The following TRAPPC10 variants were observed in gnomAD, a reference collection of about 807,000 sequenced individuals.
TRAPPC10 encodes the protein trafficking protein particle complex subunit 10.
A neutral mutation model predicts 125.5 loss-of-function variants in TRAPPC10; 23 were observed. That is an observed-to-expected ratio of 0.18 (90% CI 0.13 to 0.26). TRAPPC10 has a LOEUF of 0.26. Among genes scored for constraint, TRAPPC10 ranks in the 10% least tolerant of loss-of-function variants. TRAPPC10 has a pLI of 1.00. For synonymous variants in TRAPPC10, 509 were observed against 518.0 expected, an observed-to-expected ratio of 0.98 and a Z score of 0.24; for missense variants, 1,123 against 1,308.4, an observed-to-expected ratio of 0.86 and a Z score of 2.19.
intron 3 of TRAPPC10, among the ~76,000 whole-genome samples, chr21:44,043,465 G>A (rs2034560542): frequency 6.6e-6 from 1 of 152,030 alleles, no homozygotes; most frequent in Non-Finnish European, 1.5e-5. Flanking sequence ...ACCCGCCTCG[G>A]CATCCCAAAG....
intron 1 of TRAPPC10, among the ~76,000 whole-genome samples, chr21:44,024,308 C>T (rs907275449): frequency 6.6e-6 from 1 of 152,202 alleles, no homozygotes; most frequent in African/African-American, 2.4e-5. Context: ...TGTGGACACA[C>T]AGATGGCTGG....
At chr21:44,083,538 A>G (rs2037908805) in intron 14 of TRAPPC10, among the ~76,000 whole-genome samples, 1 of 152,200 alleles carries the variant, frequency 6.6e-6, no homozygotes, top group South Asian at 2.1e-4. Context: ...TTCTTAGATT[A>G]AGTTAGCTTT....
intron 1 of TRAPPC10, among the ~76,000 whole-genome samples, chr21:44,014,765 G>A (rs2031626358): frequency 6.6e-6 from 1 of 152,030 alleles, no homozygotes; most frequent in African/African-American, 2.4e-5. Context: ...TGCATGGATG[G>A]TACACTGTCC....
At chr21:44,089,981 T>G in intron 18 of TRAPPC10, 48 bp downstream of exon 18, 1 of 1,449,540 alleles carries the variant, frequency 6.9e-7, no homozygotes, top group South Asian at 1.2e-5. Context: ...CCCAGACTCT[T>G]CTAAGTGGAG....
chr21:44,042,560 C>A lies in TRAPPC10; in HGVS notation c.285+4633C>A, dbSNP rs61355354. On this transcript the variant is annotated intron_variant, in intron 3 of 22. Transcript: ENST00000291574. ...ACTGTTGTGTGACCTAATAAATGAT[C>A]AGTTTTTTTGGACATTTCATGTGTG... 5.6e-3 allele frequency among the ~76,000 whole-genome samples: 855 copies of A among 152,212 alleles called. 12 individuals carry two copies. Among genetic ancestry groups the A allele is most frequent in the African/African-American group, 0.02 (829 of 41,526 alleles).
intron 2 of TRAPPC10, among the ~76,000 whole-genome samples, chr21:44,035,144 A>G (rs1601604751): frequency 6.6e-6 from 1 of 152,170 alleles, no homozygotes; most frequent in East Asian, 1.9e-4. Context: ...TGCCCTCGTG[A>G]GTGGATTAAT....
intron 2 of TRAPPC10, among the ~76,000 whole-genome samples, chr21:44,033,997 A>G (rs2033789532): frequency 1.3e-5 from 2 of 152,262 alleles, no homozygotes; most frequent in African/African-American, 4.8e-5. Context: ...ACAAATGCTA[A>G]ACAAATCACC....
intron 2 of TRAPPC10, among the ~76,000 whole-genome samples, chr21:44,036,450 C>T (rs1250569717): frequency 1.3e-5 from 2 of 152,206 alleles, no homozygotes; most frequent in African/African-American, 4.8e-5. Context: ...CGTGTGGGGG[C>T]CAGGATGGCC....
chr21:44,017,864 T>G (rs898629568), intron 1 of TRAPPC10, among the ~76,000 whole-genome samples: 1 of 152,140 alleles, frequency 6.6e-6, no homozygotes, highest in African/African-American at 2.4e-5. Context: ...TGTGAATACC[T>G]TGTGTGGGGT....
At chr21:44,060,104 T>A (rs2035921215) in intron 6 of TRAPPC10, 1 of 152,662 alleles carries the variant, frequency 6.6e-6, no homozygotes, top group Non-Finnish European at 1.5e-5. Context: ...CTGTCCTCAC[T>A]CTGGAACTCA....
intron 20 of TRAPPC10, among the ~76,000 whole-genome samples, chr21:44,094,856 T>G (rs897937648): frequency 6.6e-6 from 1 of 152,202 alleles, no homozygotes; most frequent in African/African-American, 2.4e-5. Flanking sequence ...AATGTTTATT[T>G]GAAGTGTTTG....
chr21:44,066,621 G>A (rs908442095), intron 7 of TRAPPC10, among the ~76,000 whole-genome samples: 15 of 152,214 alleles, frequency 9.9e-5, no homozygotes, highest in Admixed American at 2.0e-4. Context: ...AGAAAATGTC[G>A]TTGCTTTTGC....
chr21:44,094,093 G>C lies in TRAPPC10; in HGVS notation c.3028G>C (p.Val1010Leu). Reference sequence around the variant, plus strand: ...CTACAGCAAGCAGTCGGTGTTCTTCGTCTGGGAACTCAAGTGGACAGAAGA... The same window carrying C: ...CTACAGCAAGCAGTCGGTGTTCTTCCTCTGGGAACTCAAGTGGACAGAAGA... Reference protein sequence around the residue: ...PIYSKQSVFFVWELKWTEEPP... With the variant: ...PIYSKQSVFFLWELKWTEEPP... The change falls in exon 20 of 23, where the codon GTC becomes CTC. Residue 1010 changes from valine (V) to leucine (L), a missense_variant. By Grantham distance (32) the Val-to-Leu change is conservative (BLOSUM62 1). Coordinates refer to ENST00000291574, the MANE Select transcript of TRAPPC10 (RefSeq NM_003274.5). 6.2e-7 allele frequency: 1 copy of C among 1,614,014 alleles called. No individual in the cohort carries two copies. The highest frequency in any genetic ancestry group is 8.5e-7 in the Non-Finnish European group (1 of 1,180,002).
chr21:44,084,090 G>A (rs761400891), intron 14 of TRAPPC10, 32 bp from the exon 15 acceptor site: 16 of 1,612,462 alleles, frequency 9.9e-6, no homozygotes, highest in African/African-American at 6.7e-5. Flanking sequence ...ACTGGGTGAC[G>A]TGGTTTCAAA....
intron 19 of TRAPPC10, among the ~76,000 whole-genome samples, chr21:44,092,986 G>A (rs35524612): frequency 2.6e-5 from 4 of 151,862 alleles, no homozygotes; most frequent in Non-Finnish European, 5.9e-5. Flanking sequence ...TAATAGAGAC[G>A]TGGTTTCACC....
Position 44,048,797 on chromosome 21 carries a change from G to GTT in TRAPPC10, c.286-3463_286-3462dup, listed in dbSNP as rs34892092. 7.8e-3 allele frequency among the ~76,000 whole-genome samples: 825 copies of GTT among 105,554 alleles called. 12 individuals are homozygous for GTT. Among genetic ancestry groups the GTT allele is most frequent in the African/African-American group, 0.025 (702 of 27,552 alleles). The allele number at this position is 105,554 out of a possible 152,430, so 69.2% of individuals were successfully genotyped here. A position where few individuals can be genotyped will look rare whatever the true frequency, so the allele number is the denominator to read the frequency against. Reference sequence around the variant, plus strand: ...GTGTGAGCCACCATGCCCACCCTGTGTTTTTTTTTTTTTTTTTTTTTGGTT... The same window carrying GTT: ...GTGTGAGCCACCATGCCCACCCTGTGTTTTTTTTTTTTTTTTTTTTTTTGGTT... On this transcript the variant is annotated intron_variant, in intron 3 of 22. Transcript: ENST00000291574.
chr21:44,053,913 TA>T (rs1314911070), intron 4 of TRAPPC10, among the ~76,000 whole-genome samples: 1 of 131,226 alleles, frequency 7.6e-6, no homozygotes, highest in African/African-American at 3.9e-5. Flanking sequence ...CTTTTTTACT[TA>T]AAAAAAATTG....
At chr21:44,089,575 G>C (rs1424166308) in intron 17 of TRAPPC10, 1 of 527,720 alleles carries the variant, frequency 1.9e-6, no homozygotes, top group Admixed American at 2.2e-5. Flanking sequence ...CTCTTCCGCC[G>C]TTGAGGTGAC....
intron 5 of TRAPPC10, among the ~76,000 whole-genome samples, chr21:44,057,530 T>A (rs1601691465): frequency 6.6e-6 from 1 of 152,118 alleles, no homozygotes; most frequent in African/African-American, 2.4e-5. Context: ...ACTCCTGGCC[T>A]CAAGTGATCC....
Sources: gnomAD v4.1 joint callset for allele counts (sites outside exome capture counted in the v4.1 genomes callset) on GRCh38, gnomAD v4.1.1 for gene constraint, MANE v1.5 for transcripts, NCBI Gene and HGNC (gene_info 2026-07-23, HGNC 2026-07-21) for gene names.